AKAP9: variants seen among roughly 807,000 people sequenced by gnomAD.
AKAP9 encodes A-kinase anchoring protein 9.
In AKAP9, 311 loss-of-function variants were observed where a neutral mutation model predicts 488.5. That is an observed-to-expected ratio of 0.64 (90% CI 0.58 to 0.70). The LOEUF is 0.70. Ranked by LOEUF, AKAP9 falls within the 30% of genes least tolerant of loss-of-function variation. The pLI is 0.00. For missense variants in AKAP9, 4,215 were observed against 4,374.5 expected (o/e 0.96, Z 1.03); for synonymous variants, 1,462 against 1,483.5 (o/e 0.99, Z 0.33).
At chr7:91,995,444 G>T (rs2130645675) in intron 6 of AKAP9, among the ~76,000 whole-genome samples, 159 bp from the exon 7 acceptor site, 1 of 152,244 alleles carries the variant, frequency 6.6e-6, no homozygotes, top group East Asian at 1.9e-4. Flanking sequence ...TATTGGCTCG[G>T]CTTGGGTATA....
chr7:91,953,978 A>G (rs1792620249), intron 1 of AKAP9, among the ~76,000 whole-genome samples: 1 of 152,176 alleles, frequency 6.6e-6, no homozygotes, highest in South Asian at 2.1e-4. Flanking sequence ...GTCTAATTCT[A>G]GTAGGACTCT....
Position 91,992,867 on chromosome 7 carries a change from A to G in AKAP9, c.406-18A>G. ...ATATTGCTAATACTGAATTCTTTAAAATCTTGGATTGATTTAGGAAGAAGA... is the reference window on the plus strand; with the variant it reads ...ATATTGCTAATACTGAATTCTTTAAGATCTTGGATTGATTTAGGAAGAAGA... On this transcript the variant is annotated intron_variant, in intron 4 of 49. Transcript: ENST00000356239. The G allele has an allele frequency of 1.2e-6, 2 of 1,611,502 alleles. No individual in the cohort carries two copies. The highest frequency in any genetic ancestry group is 1.7e-6 in the Non-Finnish European group (2 of 1,178,008).
At chr7:92,071,915 A>G (rs538120601) in intron 28 of AKAP9, among the ~76,000 whole-genome samples, 8 of 152,312 alleles carry the variant, frequency 5.3e-5, no homozygotes, top group African/African-American at 1.7e-4. Context: ...TTTTCTCACT[A>G]TCACATAATA....
intron 14 of AKAP9, 32 bp from the exon 15 acceptor site, chr7:92,029,863 C>CT: frequency 6.4e-7 from 1 of 1,552,262 alleles, no homozygotes; most frequent in Non-Finnish European, 8.9e-7. Context: ...ATATACAACT[C>CT]TAATTCTTTA....
rs138049714 is a variant in AKAP9 at position 92,001,654 on chromosome 7, T to G, written c.1737T>G (p.Ser579=). Residue 579 remains serine, a synonymous_variant, in exon 8 of 50, where the codon TCT becomes TCG. Transcript: ENST00000356239. ...TGAAAGCTGAGATTGTTTCTGCATC[T>G]GAATCCAGAAAGGAACTAGAATTAA... The part of the protein sequence containing the change: ...EDLKAEIVSA[S]ESRKELELKH... 729 of 1,612,956 alleles carry G rather than the reference T, an allele frequency of 4.5e-4. 4 individuals are homozygous for G. The highest frequency in any genetic ancestry group is 1.7e-3 in the South Asian group (157 of 90,838).
intron 12 of AKAP9, among the ~76,000 whole-genome samples, chr7:92,021,308 A>AT (rs754965523): frequency 6.6e-6 from 1 of 152,084 alleles, no homozygotes; most frequent in Non-Finnish European, 1.5e-5. Flanking sequence ...ATATATTGTT[A>AT]TTTTTTAAAC....
chr7:91,973,699 C>T lies in AKAP9; in HGVS notation c.49-12C>T. Reference sequence around the variant, plus strand: ...TATCTTTGACAATAACGGTTATTTTCTTTTTTCTTAGCTTGCCCAGTTTCG... The same window carrying T: ...TATCTTTGACAATAACGGTTATTTTTTTTTTTCTTAGCTTGCCCAGTTTCG... On this transcript the variant is annotated splice_polypyrimidine_tract_variant and intron_variant, in intron 1 of 49. Coordinates refer to ENST00000356239, the MANE Select transcript of AKAP9 (RefSeq NM_005751.5). The T allele has an allele frequency of 6.2e-7, 1 of 1,612,580 alleles. No individual in the cohort carries two copies.
intron 38 of AKAP9, among the ~76,000 whole-genome samples, chr7:92,091,243 A>G (rs775208419): frequency 3.3e-5 from 5 of 152,134 alleles, no homozygotes; most frequent in Non-Finnish European, 5.9e-5. Context: ...AGAAACATGT[A>G]TCCTTTGGAA....
rs1255291282 is a variant in AKAP9, at chr7:92,042,697, A to G, written c.5088A>G (p.Glu1696=). 3 of 1,611,626 alleles carry G rather than the reference A, an allele frequency of 1.9e-6. No individual in the cohort carries two copies. The highest frequency in any genetic ancestry group is 2.5e-6 in the Non-Finnish European group (3 of 1,178,472). The change falls in exon 20 of 50, where the codon GAA becomes GAG. Residue 1696 remains glutamate, a synonymous_variant. Transcript: ENST00000356239. ...GAAATGAAAACCAAGGAGAAGTTGA[A>G]GAACAAACATTTAAAGAAAAGGAAT... is the stretch of plus-strand genomic sequence containing the variant. ...QNGNENQGEV[E]EQTFKEKELD... is the part of the protein sequence containing the mutation.
rs1477351507 is a variant in AKAP9, at chr7:92,022,300, G to T, written c.3900G>T (p.Glu1300Asp). Reference protein sequence around the residue: ...LEFGEENLPKEETEFLSIHSQ... With the variant: ...LEFGEENLPKDETEFLSIHSQ... ...TTGGAGAAGAAAACCTTCCAAAAGA[G>T]GAAACAGAGTTTTTATCAATCCATT... The change falls in exon 13 of 50, where the codon GAG becomes GAT. Residue 1300 changes from glutamate (E) to aspartate (D), a missense_variant. Physicochemically the swap from Glu to Asp is conservative, Grantham distance 45. Coordinates refer to ENST00000356239, the MANE Select transcript of AKAP9 (RefSeq NM_005751.5). 3 of 1,613,658 alleles carry T rather than the reference G, an allele frequency of 1.9e-6. No homozygotes were observed. Among genetic ancestry groups the T allele is most frequent in the Non-Finnish European group, 2.5e-6 (3 of 1,179,714 alleles).
At chr7:92,047,357 C>T (rs1807181671) in intron 21 of AKAP9, among the ~76,000 whole-genome samples, 1 of 152,104 alleles carries the variant, frequency 6.6e-6, no homozygotes, top group Non-Finnish European at 1.5e-5. Flanking sequence ...GCTGGGATTA[C>T]AGGTGCCTGC....
In AKAP9 at chr7:92,038,393, T is replaced by A. The variant is rs747218979; in HGVS notation, c.4339-26T>A. Reference sequence around the variant, plus strand: ...CTGCTGATATTTCTAAATCTAATCCTTTATTGTTTGCTTTTATTTCTTTAG... The same window carrying A: ...CTGCTGATATTTCTAAATCTAATCCATTATTGTTTGCTTTTATTTCTTTAG... On this transcript the variant is annotated intron_variant, in intron 16 of 49. Transcript: ENST00000356239. 2.6e-6 allele frequency: 4 copies of A among 1,553,010 alleles called. No individual in the cohort carries two copies. The Admixed American group carries it at 5.0e-5, about 19-fold the overall frequency.
Position 91,992,977 on chromosome 7 carries a change from G to A in AKAP9, c.498G>A (p.Gly166=). The change falls in exon 5 of 50, where the codon GGG becomes GGA. Residue 166 remains glycine (G), a synonymous_variant. Transcript: ENST00000356239. ...HLEMMESELA[G]KQHEIEELNR... is the part of the protein sequence containing the mutation. ...AGATGATGGAAAGTGAGTTGGCTGG[G>A]AAGCAGCATGAGATTGAAGAGCTAA... The A allele has an allele frequency of 1.9e-6, 3 of 1,614,112 alleles. No individual in the cohort carries two copies. The highest frequency in any genetic ancestry group is 2.5e-6 in the Non-Finnish European group (3 of 1,180,000).
rs35933206 is a variant in AKAP9, at chr7:92,063,432, CTTT to C, written c.5977+959_5977+961del. 2,921 of 893,320 alleles carry C rather than the reference CTTT, an allele frequency of 3.3e-3. 1 individual carries two copies. The highest frequency in any genetic ancestry group is 4.7e-3 in the Middle Eastern group (8 of 1,702). 55.3% of individuals were successfully genotyped at this position (893,320 alleles called of 1,614,324 possible). A position where few individuals can be genotyped will look rare whatever the true frequency, so the allele number is the denominator to read the frequency against. ...CATATAAATTATACTTTTGTTGTGT[CTTT>C]TTTTTTTTTTTTCTCTATTTTCCTA... On this transcript the variant is annotated intron_variant, in intron 24 of 49. Coordinates refer to ENST00000356239, the MANE Select transcript of AKAP9 (RefSeq NM_005751.5).
chr7:92,028,603 G>A lies in AKAP9; in HGVS notation c.4149-1292G>A, dbSNP rs146815013. Among the ~76,000 whole-genome samples, 21 of 152,098 alleles carry A rather than the reference G, an allele frequency of 1.4e-4. No individual in the cohort carries two copies. In the East Asian group the frequency reaches 2.1e-3, roughly 15 times the overall value. On this transcript the variant is annotated intron_variant, in intron 14 of 49. Transcript: ENST00000356239. Reference sequence around the variant, plus strand: ...AGTTCACAGCAGGAAAAACCTAAACGGCCAATAACATTTGAAAGAAAATGT... The same window carrying A: ...AGTTCACAGCAGGAAAAACCTAAACAGCCAATAACATTTGAAAGAAAATGT...
intron 31 of AKAP9, among the ~76,000 whole-genome samples, chr7:92,081,962 A>G (rs1340760265): frequency 6.6e-6 from 1 of 152,154 alleles, no homozygotes; most frequent in Non-Finnish European, 1.5e-5. Flanking sequence ...TTAAAATAGT[A>G]ATATAACTTT....
intron 8 of AKAP9, among the ~76,000 whole-genome samples, chr7:92,010,972 A>G (rs1439229342): frequency 1.3e-5 from 2 of 152,212 alleles, no homozygotes; most frequent in Non-Finnish European, 2.9e-5. Flanking sequence ...ATTTTAATAC[A>G]TATTGGAAAA....
Position 92,105,298 on chromosome 7 carries a change from CTCT to C in AKAP9, c.11331-375_11331-373del, listed in dbSNP as rs1160065950. On this transcript the variant is annotated intron_variant, in intron 46 of 49. Transcript: ENST00000356239. ...TTGCCAATTTAAGGGTCTTTTTGTT[CTCT>C]TCTTATCTCATCTGCCCTTTATTCT... Among the ~76,000 whole-genome samples, 7 of 152,234 alleles carry C rather than the reference CTCT, an allele frequency of 4.6e-5. No individual in the cohort carries two copies. The East Asian group carries it at 5.8e-4, about 13-fold the overall frequency.
Position 92,086,273 on chromosome 7 carries a change from G to A in AKAP9, c.9070G>A (p.Gly3024Ser), listed in dbSNP as rs564794970. 5 of 1,614,086 alleles carry A rather than the reference G, an allele frequency of 3.1e-6. No individual in the cohort carries two copies. The South Asian group carries it at 5.5e-5, about 18-fold the overall frequency. ...QSHESFSDWR[G>S]ELLLALQQVF... Reference sequence around the variant, plus strand: ...TCATGAGAGCTTCTCAGACTGGCGAGGTGAACTACTGCTTGCCCTTCAACA... The same window carrying A: ...TCATGAGAGCTTCTCAGACTGGCGAAGTGAACTACTGCTTGCCCTTCAACA... The change falls in exon 37 of 50, where the codon GGT becomes AGT. Residue 3024 changes from glycine (G) to serine (S), a missense_variant. Transcript: ENST00000356239.
Sources: allele counts gnomAD v4.1 joint callset (sites outside exome capture counted in the v4.1 genomes callset), GRCh38; gene constraint gnomAD v4.1.1; transcripts MANE v1.5; gene names NCBI Gene and HGNC (gene_info 2026-07-23, HGNC 2026-07-21).